The following BBS2 variants were observed in gnomAD, a reference collection of about 807,000 sequenced individuals.
BBS2 encodes the protein BBSome complex member BBS2.
A neutral mutation model predicts 83.0 loss-of-function variants in BBS2; 62 were observed. That is an observed-to-expected ratio of 0.75 (90% CI 0.61 to 0.92). The LOEUF is 0.92. Among genes scored for constraint, BBS2 ranks in the 40% least tolerant of loss-of-function variants. The probability of loss-of-function intolerance (pLI) is 0.00; values close to 1 mark genes in which losing one functional copy is unlikely to be tolerated. For missense variants in BBS2, 784 were observed against 901.0 expected, an observed-to-expected ratio of 0.87 and a Z score of 1.66; for synonymous variants, 303 against 326.1, an observed-to-expected ratio of 0.93 and a Z score of 0.76.
rs181378647 is a variant in BBS2, at chr16:56,502,473, A to C, written c.941-17T>G. 1 of 1,614,124 alleles carries C rather than the reference A, an allele frequency of 6.2e-7. No homozygotes were observed. Among genetic ancestry groups the C allele is most frequent in the Admixed American group, 1.7e-5 (1 of 60,022 alleles). ...AGCCCCGGACTGAACAGAAGGAAAA[A>C]ACCGCAAGTATAACCAGGTATACTT... On this transcript the variant is annotated splice_polypyrimidine_tract_variant and intron_variant, in intron 8 of 16. Coordinates refer to ENST00000245157, the MANE Select transcript of BBS2 (RefSeq NM_031885.5).
chr16:56,512,000 TAATA>T (rs375479460), intron 2 of BBS2, among the ~76,000 whole-genome samples: 8 of 152,018 alleles, frequency 5.3e-5, no homozygotes, highest in African/African-American at 1.9e-4. Context: ...TACAAATCAA[TAATA>T]AAGAGACAAA....
intron 17 of BBS2, chr16:56,476,243 G>A (rs115896050): frequency 5.7e-6 from 9 of 1,584,658 alleles, no homozygotes; most frequent in East Asian, 4.5e-5. Flanking sequence ...GTGACCCTTC[G>A]TAATTACTGG....
chr16:56,507,605 C>A (rs922887721), intron 5 of BBS2, among the ~76,000 whole-genome samples: 10 of 151,802 alleles, frequency 6.6e-5, no homozygotes, highest in African/African-American at 2.2e-4. Context: ...AGGTTGCAAA[C>A]CCCTTTAAGA....
chr16:56,490,108 T>C (rs1296713297), intron 15 of BBS2, among the ~76,000 whole-genome samples: 2 of 143,602 alleles, frequency 1.4e-5, no homozygotes, highest in South Asian at 4.6e-4. Context: ...AGTGAGACCC[T>C]ATCTCACACA....
At chr16:56,511,898 A>G (rs1333705311) in intron 2 of BBS2, among the ~76,000 whole-genome samples, 1 of 152,224 alleles carries the variant, frequency 6.6e-6, no homozygotes, top group African/African-American at 2.4e-5. Flanking sequence ...CAAAAGACAC[A>G]TGCCTAGTGG....
At chr16:56,515,676 C>A (rs1567585625) in intron 1 of BBS2, among the ~76,000 whole-genome samples, 1 of 152,210 alleles carries the variant, frequency 6.6e-6, no homozygotes, top group Admixed American at 6.5e-5. Context: ...CTACCCAAGG[C>A]AGCCTATTCA....
At chr16:56,493,712 CCTAA>C in intron 15 of BBS2, among the ~76,000 whole-genome samples, 1 of 152,200 alleles carries the variant, frequency 6.6e-6, no homozygotes, top group South Asian at 2.1e-4. Context: ...AGACAATGAA[CCTAA>C]CTCTCTATCA....
intron 11 of BBS2, chr16:56,500,627 A>C: frequency 3.2e-6 from 1 of 308,814 alleles, no homozygotes; most frequent in Admixed American, 4.7e-5. Context: ...TCTGTCTCAA[A>C]AAAAAAAAAA....
chr16:56,502,926 A>G, intron 7 of BBS2, 118 bp from the exon 8 acceptor site: 2 of 1,278,848 alleles, frequency 1.6e-6, no homozygotes, highest in Admixed American at 2.0e-5. Context: ...AGAGTATTCT[A>G]TGAAGCCCTA....
chr16:56,491,746 A>G (rs75739837), intron 15 of BBS2, among the ~76,000 whole-genome samples: 1 of 148,122 alleles, frequency 6.8e-6, no homozygotes. Flanking sequence ...AAAAAAAAAA[A>G]CACTAGTAAT....
At chr16:56,496,318 A>G (rs983077600) in intron 15 of BBS2, among the ~76,000 whole-genome samples, 1 of 152,232 alleles carries the variant, frequency 6.6e-6, no homozygotes, top group African/African-American at 2.4e-5. Context: ...AATTCAGAAT[A>G]TTTAATGAAG....
At chr16:56,495,244 A>G (rs1057178122) in intron 15 of BBS2, among the ~76,000 whole-genome samples, 1 of 152,218 alleles carries the variant, frequency 6.6e-6, no homozygotes, top group African/African-American at 2.4e-5. Context: ...CAGAATTAGA[A>G]TATCACTATT....
intron 15 of BBS2, among the ~76,000 whole-genome samples, chr16:56,493,259 G>A (rs542874967): frequency 6.6e-6 from 1 of 152,000 alleles, no homozygotes; most frequent in South Asian, 2.1e-4. Context: ...GGTGGCTCAT[G>A]CCTTTAGTCC....
intron 14 of BBS2, 139 bp from the exon 15 acceptor site, chr16:56,497,218 T>C: frequency 1.4e-6 from 1 of 712,444 alleles, no homozygotes; most frequent in Non-Finnish European, 2.6e-6. Context: ...TACTTCCCGT[T>C]ATTTCATCTC....
intron 14 of BBS2, 78 bp downstream of exon 14, chr16:56,497,665 C>T (rs527649586): frequency 1.0e-5 from 16 of 1,575,704 alleles, no homozygotes; most frequent in East Asian, 2.2e-5. Context: ...AACATAAGTA[C>T]ATTTGTAGTA....
rs1964869336 is a variant in BBS2 at position 56,519,812 on chromosome 16, T to A, written c.51A>T (p.Arg17=). The A allele has an allele frequency of 6.2e-7, 1 of 1,613,730 alleles. No homozygotes were observed. Among genetic ancestry groups the A allele is most frequent in the Admixed American group, 1.7e-5 (1 of 59,982 alleles). ...CGTCGTAGCGCCCTATGGCCACCATTCGGGGGCTGATTTTGTGGCGCAGTT... is the reference window on the plus strand; with the variant it reads ...CGTCGTAGCGCCCTATGGCCACCATACGGGGGCTGATTTTGTGGCGCAGTT... ...TLKLRHKISP[R]MVAIGRYDGT... Residue 17 remains arginine (R), a synonymous_variant, in exon 1 of 17, where the codon CGA becomes CGT. Coordinates refer to ENST00000245157, the MANE Select transcript of BBS2 (RefSeq NM_031885.5).
In BBS2 at chr16:56,514,584, T is replaced by A; in HGVS notation, c.214A>T (p.Asn72Tyr). Residue 72 changes from asparagine (N) to tyrosine (Y), a missense_variant, in exon 2 of 17, where the codon AAC becomes TAC. Transcript: ENST00000245157. ...LESDVSLLSINQAVSCLTAGV... is the reference protein window; with the variant it reads ...LESDVSLLSIYQAVSCLTAGV... ...GCAGTCAGACAGCTGACTGCCTGGT[T>A]AATGCTGAGAAGAGAAACATCAGAT... 6.2e-7 allele frequency: 1 copy of A among 1,614,132 alleles called. No homozygotes were observed. Among genetic ancestry groups the A allele is most frequent in the African/African-American group, 1.3e-5 (1 of 75,042 alleles).
chr16:56,494,834 C>T lies in BBS2; in HGVS notation c.1910+2133G>A, dbSNP rs530433661. 3.7e-3 allele frequency among the ~76,000 whole-genome samples: 556 copies of T among 151,862 alleles called. 3 individuals carry two copies. Among genetic ancestry groups the T allele is most frequent in the African/African-American group, 0.012 (511 of 41,414 alleles). On this transcript the variant is annotated intron_variant, in intron 15 of 16. Coordinates refer to ENST00000245157, the MANE Select transcript of BBS2 (RefSeq NM_031885.5). ...AAAATTAGCCGGGCTTGGTGGCGGG[C>T]GCCTGTAGTCCCAGCTACTCGGGAG...
chr16:56,502,244 T>C, intron 9 of BBS2, 73 bp downstream of exon 9: 2 of 1,597,540 alleles, frequency 1.3e-6, no homozygotes, highest in Non-Finnish European at 1.7e-6. Context: ...CATTCTTCCA[T>C]ATTTGCTGAT....
Sources: allele counts gnomAD v4.1 joint callset (sites outside exome capture counted in the v4.1 genomes callset), GRCh38; gene constraint gnomAD v4.1.1; transcripts MANE v1.5; gene names NCBI Gene and HGNC (gene_info 2026-07-23, HGNC 2026-07-21).